Variants in GRIA1 observed in about 807,000 individuals in gnomAD.
GRIA1 encodes glutamate ionotropic receptor AMPA type subunit 1.
In GRIA1, 31 loss-of-function variants were observed where a neutral mutation model predicts 99.2. That is an observed-to-expected ratio of 0.31 (90% confidence interval 0.23 to 0.42). GRIA1 has a LOEUF of 0.42. Ranked by LOEUF, GRIA1 falls within the 10% of genes least tolerant of loss-of-function variation. The pLI is 1.00. For synonymous variants in GRIA1, 438 were observed against 432.4 expected, an observed-to-expected ratio of 1.01 and a Z score of -0.16; for missense variants, 782 against 1,157.5, an observed-to-expected ratio of 0.68 and a Z score of 4.71.
intron 2 of GRIA1, chr5:153,558,187 A>G (rs769026062): frequency 6.6e-6 from 1 of 152,182 alleles, no homozygotes; most frequent in South Asian, 2.1e-4. Context: ...GACCACCGTC[A>G]TATAAGCAGG....
intron 2 of GRIA1, among the ~76,000 whole-genome samples, chr5:153,592,486 T>C (rs764445211): frequency 1.2e-4 from 19 of 152,264 alleles, no homozygotes; most frequent in Non-Finnish European, 2.4e-4. Flanking sequence ...GAGATTTTTC[T>C]CATCACTAGT....
chr5:153,644,470 T>A (rs770727906), intron 2 of GRIA1, among the ~76,000 whole-genome samples: 3 of 152,174 alleles, frequency 2.0e-5, no homozygotes, highest in Admixed American at 6.5e-5. Context: ...TATGCCCTCA[T>A]CAAGCACTCA....
chr5:153,789,758 A>C (rs901285633), intron 13 of GRIA1, among the ~76,000 whole-genome samples: 2 of 152,216 alleles, frequency 1.3e-5, no homozygotes, highest in Non-Finnish European at 2.9e-5. Flanking sequence ...TACACATAGG[A>C]ATCTGAGGCT....
intron 2 of GRIA1, among the ~76,000 whole-genome samples, chr5:153,551,251 T>A (rs998092113): frequency 6.6e-6 from 1 of 152,214 alleles, no homozygotes; most frequent in Non-Finnish European, 1.5e-5. Flanking sequence ...ATTTTATTTG[T>A]CTTCGTGTGG....
chr5:153,662,416 C>G (rs779440699), intron 5 of GRIA1, among the ~76,000 whole-genome samples: 15 of 152,158 alleles, frequency 9.9e-5, no homozygotes, highest in Non-Finnish European at 5.9e-5. Context: ...AAAATCACAG[C>G]CTGTGAAAAT....
At chr5:153,737,097 A>G (rs1277296145) in intron 11 of GRIA1, among the ~76,000 whole-genome samples, 4 of 152,170 alleles carry the variant, frequency 2.6e-5, no homozygotes, top group Non-Finnish European at 5.9e-5. Flanking sequence ...GTTCAGGTCA[A>G]TCTTCAATTG....
chr5:153,668,431 T>C (rs915038521), intron 5 of GRIA1, among the ~76,000 whole-genome samples: 1 of 152,186 alleles, frequency 6.6e-6, no homozygotes. Flanking sequence ...ATCAAAAGAA[T>C]GATATTTTAT....
chr5:153,634,028 G>C lies in GRIA1; in HGVS notation c.221-12900G>C, dbSNP rs142471436. ...ACAAGGTACCGCAATAGAGAATAAA[G>C]AGTAGGGACCGGGCACGGTGGCTCA... is the stretch of plus-strand genomic sequence containing the variant. On this transcript the variant is annotated intron_variant, in intron 2 of 15. Transcript: ENST00000285900. Among the ~76,000 whole-genome samples, 327 of 152,256 alleles carry C rather than the reference G, an allele frequency of 2.1e-3. 10 individuals are homozygous for C. In the East Asian group the frequency reaches 0.052, roughly 24 times the overall value.
At chr5:153,673,012 A>T (rs985286284) in intron 5 of GRIA1, among the ~76,000 whole-genome samples, 1 of 152,174 alleles carries the variant, frequency 6.6e-6, no homozygotes, top group Non-Finnish European at 1.5e-5. Flanking sequence ...CAGGCCCCCA[A>T]TTATACCTAA....
At chr5:153,787,688 C>T (rs1023529150) in intron 13 of GRIA1, among the ~76,000 whole-genome samples, 1 of 152,158 alleles carries the variant, frequency 6.6e-6, no homozygotes, top group Non-Finnish European at 1.5e-5. Context: ...GCTGATGGTC[C>T]TCGCAGGTCT....
intron 2 of GRIA1, among the ~76,000 whole-genome samples, chr5:153,558,455 C>A (rs929907344): frequency 6.6e-6 from 1 of 152,194 alleles, no homozygotes; most frequent in Admixed American, 6.5e-5. Context: ...TAATTTTTTT[C>A]TTTTCCAGAA....
chr5:153,509,173 AAC>A (rs2113297319), intron 2 of GRIA1, among the ~76,000 whole-genome samples: 1 of 152,338 alleles, frequency 6.6e-6, no homozygotes, highest in South Asian at 2.1e-4. Context: ...TATCCAATGT[AAC>A]ACAGAGGGGA....
At chr5:153,529,393 A>C (rs1046079030) in intron 2 of GRIA1, among the ~76,000 whole-genome samples, 1 of 152,172 alleles carries the variant, frequency 6.6e-6, no homozygotes, top group Admixed American at 6.5e-5. Flanking sequence ...AACACACTGT[A>C]ACCTCTGAGT....
intron 5 of GRIA1, among the ~76,000 whole-genome samples, chr5:153,658,810 A>G (rs1243542994): frequency 2.0e-5 from 3 of 152,146 alleles, no homozygotes; most frequent in Admixed American, 2.0e-4. Flanking sequence ...TCCCTGTCGG[A>G]ATGCATGAGC....
intron 2 of GRIA1, among the ~76,000 whole-genome samples, chr5:153,538,756 T>G (rs1758811173): frequency 6.6e-6 from 1 of 152,188 alleles, no homozygotes; most frequent in African/African-American, 2.4e-5. Context: ...TCTAATTAGG[T>G]CTTTACCAAT....
chr5:153,593,882 C>T (rs1340691719), intron 2 of GRIA1, among the ~76,000 whole-genome samples: 1 of 152,140 alleles, frequency 6.6e-6, no homozygotes, highest in Non-Finnish European at 1.5e-5. Context: ...TGGCAGAATG[C>T]ATTTTCCCGT....
At chr5:153,689,074 G>C (rs1169972023) in intron 8 of GRIA1, among the ~76,000 whole-genome samples, 1 of 151,548 alleles carries the variant, frequency 6.6e-6, no homozygotes, top group Non-Finnish European at 1.5e-5. Context: ...TCTTGCCCAG[G>C]CTGGAGTGCA....
At chr5:153,708,943 T>C (rs1300943635) in intron 11 of GRIA1, among the ~76,000 whole-genome samples, 2 of 152,206 alleles carry the variant, frequency 1.3e-5, no homozygotes, top group African/African-American at 2.4e-5. Context: ...AAGCCAACCT[T>C]GGTTAACCCC....
chr5:153,492,253 T>C (rs1246889744), intron 1 of GRIA1: 1 of 1,535,176 alleles, frequency 6.5e-7, no homozygotes, highest in Non-Finnish European at 8.7e-7. Flanking sequence ...CGGCTTGGAG[T>C]GGCCATGGAG....
Sources: gnomAD v4.1 joint callset for allele counts (sites outside exome capture counted in the v4.1 genomes callset) on GRCh38, gnomAD v4.1.1 for gene constraint, MANE v1.5 for transcripts, NCBI Gene and HGNC (gene_info 2026-07-23, HGNC 2026-07-21) for gene names.